Variants in NOP58 observed in about 807,000 individuals in gnomAD.
The protein encoded by NOP58 is NOP58 ribonucleoprotein, also known as nucleolar protein 58.
NOP58 carries 44 observed loss-of-function variants against 71.2 expected under a neutral mutation model. The ratio of observed to expected loss-of-function variants is 0.62; its 90% CI spans 0.49 to 0.79. The LOEUF is 0.79. NOP58 is among the 30% of genes least tolerant of loss of function. NOP58 has a pLI of 0.00. For missense variants in NOP58, 538 were observed against 620.2 expected (o/e 0.87, Z 1.41); for synonymous variants, 228 against 200.3 (o/e 1.14, Z -1.17).
chr2:202,275,256 T>C, intron 2 of NOP58, 67 bp downstream of exon 2: 4 of 809,906 alleles, frequency 4.9e-6, no homozygotes, highest in South Asian at 3.4e-5. Flanking sequence ...TTTACATTTT[T>C]CCCTGATTTA....
chr2:202,281,570 A>G (rs1298509282), intron 3 of NOP58, among the ~76,000 whole-genome samples: 1 of 152,080 alleles, frequency 6.6e-6, no homozygotes, highest in African/African-American at 2.4e-5. Context: ...CCTCCCCAGT[A>G]GCTGGACTAC....
chr2:202,287,947 C>A (rs1311802898), intron 6 of NOP58, among the ~76,000 whole-genome samples: 1 of 151,942 alleles, frequency 6.6e-6, no homozygotes, highest in African/African-American at 2.4e-5. Flanking sequence ...TCTGTCTTTA[C>A]TAAAAATACA....
At chr2:202,293,003 G>A (rs1381973111) in intron 9 of NOP58, 100 bp downstream of exon 9, 1 of 1,263,452 alleles carries the variant, frequency 7.9e-7, no homozygotes, top group South Asian at 1.2e-5. Context: ...AGAAATTTTA[G>A]CTGATAACAC....
intron 5 of NOP58, 137 bp from the exon 6 acceptor site, chr2:202,287,523 T>C (rs544402175): frequency 2.6e-5 from 16 of 611,014 alleles, no homozygotes; most frequent in African/African-American, 2.6e-4. Context: ...CTGATTTTTC[T>C]TCTTAGAAAA....
rs183410575 is a variant in NOP58, at chr2:202,300,145, T to C, written c.1269-89T>C. On this transcript the variant is annotated intron_variant, in intron 12 of 14. Coordinates refer to ENST00000264279, the MANE Select transcript of NOP58 (RefSeq NM_015934.5). ...ACAACATTGTGTGCTTATGTAAGTA[T>C]TATCTAATGGCATTTTCTTTATCTC... The C allele has an allele frequency of 8.3e-4, 926 of 1,115,930 alleles. 2 individuals carry two copies. The African/African-American group carries it at 8.5e-3, about 10-fold the overall frequency. 69.1% of individuals were successfully genotyped at this position (1,115,930 alleles called of 1,614,324 possible).
Position 202,303,384 on chromosome 2 carries a change from A to T in NOP58, c.1540-2A>T. The T allele has an allele frequency of 6.2e-7, 1 of 1,612,660 alleles. No homozygotes were observed. The highest frequency in any genetic ancestry group is 8.5e-7 in the Non-Finnish European group (1 of 1,179,288). ...CAAAGCATTCTTGTTGGCTATTTTC[A>T]GAGTCCAGAGAAAAAGAAGAAAAAG... On this transcript the variant is annotated splice_acceptor_variant, in intron 14 of 14. Coordinates refer to ENST00000264279, the MANE Select transcript of NOP58 (RefSeq NM_015934.5). LOFTEE classifies it high-confidence loss of function.
chr2:202,278,712 A>G (rs1224343440), intron 3 of NOP58, among the ~76,000 whole-genome samples: 1 of 152,208 alleles, frequency 6.6e-6, no homozygotes, highest in Non-Finnish European at 1.5e-5. Flanking sequence ...TTTATCACAA[A>G]TCAGCCAACT....
intron 1 of NOP58, among the ~76,000 whole-genome samples, chr2:202,271,873 G>C (rs553927037): frequency 1.5e-4 from 23 of 152,268 alleles, no homozygotes; most frequent in Admixed American, 3.9e-4. Flanking sequence ...GAGGCCAGGA[G>C]TTTGAAGCTG....
intron 1 of NOP58, among the ~76,000 whole-genome samples, chr2:202,270,249 T>C (rs964085479): frequency 3.9e-5 from 6 of 152,248 alleles, no homozygotes; most frequent in African/African-American, 1.4e-4. Context: ...AGAAGTTTCA[T>C]GTAAGTGGAG....
At chr2:202,295,176 G>T (rs981419592) in intron 9 of NOP58, among the ~76,000 whole-genome samples, 1 of 152,178 alleles carries the variant, frequency 6.6e-6, no homozygotes, top group Admixed American at 6.5e-5. Flanking sequence ...TTTTCAGACT[G>T]CAGTTAACCA....
chr2:202,287,635 A>G (rs747452256), intron 5 of NOP58, 25 bp from the exon 6 acceptor site: 11 of 1,579,684 alleles, frequency 7.0e-6, no homozygotes, highest in Non-Finnish European at 6.1e-6. Context: ...CTATCTTGCT[A>G]ATTTATTTTC....
At chr2:202,271,886 G>GTGAC (rs1688516499) in intron 1 of NOP58, among the ~76,000 whole-genome samples, 1 of 152,140 alleles carries the variant, frequency 6.6e-6, no homozygotes, top group South Asian at 2.1e-4. Flanking sequence ...TGAAGCTGTA[G>GTGAC]TGACATAGGA....
chr2:202,265,795 G>T lies in NOP58; in HGVS notation c.-147G>T, dbSNP rs1559257126. On this transcript the variant is annotated 5_prime_UTR_variant, in exon 1 of 15. Transcript: ENST00000264279. ...CAGTACAGCGTGGAGGGTTTAGGCAGCGTGTTCTGATTCTTTGCGGGACGG... is the reference window on the plus strand; with the variant it reads ...CAGTACAGCGTGGAGGGTTTAGGCATCGTGTTCTGATTCTTTGCGGGACGG... 4 of 792,770 alleles carry T rather than the reference G, an allele frequency of 5.0e-6. No individual in the cohort carries two copies. The highest frequency in any genetic ancestry group is 6.4e-6 in the Non-Finnish European group (3 of 469,612). 49.1% of individuals were successfully genotyped at this position (792,770 alleles called of 1,614,324 possible). A position where few individuals can be genotyped will look rare whatever the true frequency, so the allele number is the denominator to read the frequency against.
At chr2:202,283,120 G>T (rs574759111) in intron 4 of NOP58, among the ~76,000 whole-genome samples, 24 of 152,256 alleles carry the variant, frequency 1.6e-4, no homozygotes, top group African/African-American at 5.5e-4. Context: ...GTGCAGTGGC[G>T]CAGTCTCACA....
rs574834318 is a variant in NOP58, at chr2:202,282,483, G to T, written c.297+11G>T. The T allele has an allele frequency of 8.7e-6, 14 of 1,602,318 alleles. No homozygotes were observed. The highest frequency in any genetic ancestry group is 5.3e-5 in the Admixed American group (3 of 56,116). On this transcript the variant is annotated intron_variant, in intron 4 of 14. Coordinates refer to ENST00000264279, the MANE Select transcript of NOP58 (RefSeq NM_015934.5). Reference sequence around the variant, plus strand: ...GGAGGGGTCATAAAGGTAAAGTCACGATATTTTTGGTCATGCCTGCTAGTC... The same window carrying T: ...GGAGGGGTCATAAAGGTAAAGTCACTATATTTTTGGTCATGCCTGCTAGTC...
At chr2:202,302,657 G>A (rs1456016398) in intron 13 of NOP58, among the ~76,000 whole-genome samples, 7 of 152,142 alleles carry the variant, frequency 4.6e-5, no homozygotes, top group African/African-American at 1.7e-4. Flanking sequence ...TCCCAATAAT[G>A]ATTGGAGATC....
intron 9 of NOP58, among the ~76,000 whole-genome samples, chr2:202,293,933 A>G (rs1008905534): frequency 2.0e-5 from 3 of 152,144 alleles, no homozygotes; most frequent in Non-Finnish European, 2.9e-5. Flanking sequence ...GCCCTCAGCT[A>G]TAAGATCAGA....
At chr2:202,297,604 T>C in intron 11 of NOP58, 91 bp downstream of exon 11, 2 of 1,265,944 alleles carry the variant, frequency 1.6e-6, no homozygotes, top group South Asian at 1.4e-5. Flanking sequence ...CTAAACAGTT[T>C]TATGATACTT....
chr2:202,266,946 C>T (rs548403847), intron 1 of NOP58, among the ~76,000 whole-genome samples: 1 of 148,412 alleles, frequency 6.7e-6, no homozygotes, highest in African/African-American at 2.5e-5. Flanking sequence ...TTGTGTAGAT[C>T]GGGCAGTTCA....
Sources: allele counts gnomAD v4.1 joint callset (sites outside exome capture counted in the v4.1 genomes callset), GRCh38; gene constraint gnomAD v4.1.1; transcripts MANE v1.5; gene names NCBI Gene and HGNC (gene_info 2026-07-23, HGNC 2026-07-21).